EBF2: variants seen among roughly 807,000 people sequenced by gnomAD.
EBF2 encodes the protein transcription factor COE2.
In EBF2, 21 loss-of-function variants were observed where a neutral mutation model predicts 72.8. That is an observed-to-expected ratio of 0.29 (90% CI 0.20 to 0.42). EBF2 has a LOEUF of 0.42. EBF2 is among the 10% of genes least tolerant of loss of function. The pLI, the probability that EBF2 is intolerant of heterozygous loss-of-function variation, is 1.00. For missense variants in EBF2, 637 were observed against 731.2 expected (o/e 0.87, Z 1.49); for synonymous variants, 299 against 274.2 (o/e 1.09, Z -0.89).
At chr8:25,967,680 T>G (rs1469649591) in intron 6 of EBF2, among the ~76,000 whole-genome samples, 1 of 152,134 alleles carries the variant, frequency 6.6e-6, no homozygotes, top group Admixed American at 6.5e-5. Flanking sequence ...GGGGCAAGGG[T>G]GAGGATGCAT....
At chr8:26,017,614 C>G (rs189707056) in intron 6 of EBF2, among the ~76,000 whole-genome samples, 9 of 152,202 alleles carry the variant, frequency 5.9e-5, no homozygotes, top group African/African-American at 2.2e-4. Context: ...TTGCTTTTAC[C>G]GGCCACAGCA....
At chr8:25,923,859 T>C (rs1283372437) in intron 6 of EBF2, among the ~76,000 whole-genome samples, 2 of 152,196 alleles carry the variant, frequency 1.3e-5, no homozygotes, top group Non-Finnish European at 2.9e-5. Context: ...CTTTGATCAT[T>C]TTTTTAATGA....
intron 14 of EBF2, among the ~76,000 whole-genome samples, chr8:25,853,170 A>G (rs1325019248): frequency 6.6e-6 from 1 of 152,238 alleles, no homozygotes; most frequent in South Asian, 2.1e-4. Flanking sequence ...GCAAAATTGT[A>G]AAAGTGCTAG....
At chr8:25,887,346 T>C (rs1443292062) in intron 9 of EBF2, among the ~76,000 whole-genome samples, 1 of 152,182 alleles carries the variant, frequency 6.6e-6, no homozygotes, top group Non-Finnish European at 1.5e-5. Context: ...AACTTAACAC[T>C]GTCACTTATC....
chr8:25,970,629 G>A (rs1466921855), intron 6 of EBF2, among the ~76,000 whole-genome samples: 3 of 152,028 alleles, frequency 2.0e-5, no homozygotes, highest in African/African-American at 4.8e-5. Flanking sequence ...CTGCCTCTGC[G>A]GGCCAGAATG....
chr8:25,920,301 G>A (rs892656310), intron 6 of EBF2, among the ~76,000 whole-genome samples: 23 of 152,172 alleles, frequency 1.5e-4, no homozygotes, highest in Admixed American at 5.9e-4. Context: ...ACATGTGCAC[G>A]TCTGTTTTTA....
chr8:25,844,493 G>T lies in EBF2; in HGVS notation c.*116C>A, dbSNP rs1200504524. 9.2e-6 allele frequency: 11 copies of T among 1,189,792 alleles called. No individual in the cohort carries two copies. In the East Asian group the frequency reaches 1.9e-4, roughly 20 times the overall value. 73.7% of individuals were successfully genotyped at this position (1,189,792 alleles called of 1,614,324 possible). The stretch of plus-strand genomic sequence containing the variant: ...ATGCTGGCTCCTTGCAGACCCAAGG[G>T]TGTCCATCATGTTCATGTGGGGGCA... On this transcript the variant is annotated 3_prime_UTR_variant, in exon 16 of 16. Coordinates refer to ENST00000520164, the MANE Select transcript of EBF2 (RefSeq NM_022659.4).
chr8:25,885,343 T>C (rs570037720), intron 10 of EBF2, among the ~76,000 whole-genome samples: 1 of 152,322 alleles, frequency 6.6e-6, no homozygotes, highest in Non-Finnish European at 1.5e-5. Context: ...ACCATCCATA[T>C]CCAGAACTCT....
At chr8:25,872,536 C>T (rs1402812590) in intron 10 of EBF2, among the ~76,000 whole-genome samples, 1 of 152,170 alleles carries the variant, frequency 6.6e-6, no homozygotes, top group Non-Finnish European at 1.5e-5. Flanking sequence ...AGCTTCACTT[C>T]ATCAGATGTG....
rs1376877794 is a variant in EBF2, at chr8:25,990,550, A to G, written c.551+42535T>C. ...TATCCCAACAAAATCTACTAGCTCC[A>G]GCACAGAATCCAAGTCCTCTGTCCT... is the stretch of plus-strand genomic sequence containing the variant. On this transcript the variant is annotated intron_variant, in intron 6 of 15. Transcript: ENST00000520164. 2.0e-5 allele frequency among the ~76,000 whole-genome samples: 3 copies of G among 152,334 alleles called. No individual in the cohort carries two copies. In the East Asian group the frequency reaches 5.8e-4, roughly 29 times the overall value.
intron 6 of EBF2, among the ~76,000 whole-genome samples, chr8:25,951,183 T>C (rs1803853034): frequency 6.6e-6 from 1 of 152,210 alleles, no homozygotes; most frequent in East Asian, 1.9e-4. Flanking sequence ...GAACACATGC[T>C]GAAATGACAC....
At chr8:25,985,762 G>A (rs1336541701) in intron 6 of EBF2, among the ~76,000 whole-genome samples, 1 of 152,070 alleles carries the variant, frequency 6.6e-6, no homozygotes, top group Non-Finnish European at 1.5e-5. Context: ...CACTTTGGGA[G>A]GCTGAGGCAG....
chr8:25,876,266 G>A (rs544063626), intron 10 of EBF2, among the ~76,000 whole-genome samples: 7 of 152,212 alleles, frequency 4.6e-5, no homozygotes, highest in Admixed American at 3.3e-4. Context: ...TGGGTTGGGG[G>A]CAGGGAGAGG....
intron 6 of EBF2, among the ~76,000 whole-genome samples, chr8:25,990,469 C>T (rs1428032131): frequency 2.6e-5 from 4 of 152,134 alleles, no homozygotes; most frequent in Admixed American, 1.3e-4. Flanking sequence ...AGCTTGGGGC[C>T]AAGCACTCAT....
At chr8:25,868,861 G>A (rs138143467) in intron 10 of EBF2, among the ~76,000 whole-genome samples, 8 of 152,104 alleles carry the variant, frequency 5.3e-5, no homozygotes, top group South Asian at 4.2e-4. Context: ...GTGTTGAGTC[G>A]CTCCATATAT....
intron 6 of EBF2, among the ~76,000 whole-genome samples, chr8:25,966,977 T>G (rs1353244029): frequency 1.3e-5 from 2 of 152,116 alleles, no homozygotes; most frequent in Non-Finnish European, 2.9e-5. Context: ...CTAGAGCCAA[T>G]GTCAACAATG....
At chr8:25,999,285 C>T (rs1040487158) in intron 6 of EBF2, among the ~76,000 whole-genome samples, 1 of 152,166 alleles carries the variant, frequency 6.6e-6, no homozygotes, top group Non-Finnish European at 1.5e-5. Flanking sequence ...TCAAGACACA[C>T]ATTCATGATG....
chr8:25,866,116 G>A (rs1299110541), intron 10 of EBF2, among the ~76,000 whole-genome samples: 2 of 151,294 alleles, frequency 1.3e-5, no homozygotes, highest in Non-Finnish European at 2.9e-5. Context: ...ACTTAGGCCT[G>A]TACATTCATA....
intron 6 of EBF2, among the ~76,000 whole-genome samples, chr8:25,945,257 T>A (rs1317982473): frequency 6.6e-6 from 1 of 152,164 alleles, no homozygotes; most frequent in Non-Finnish European, 1.5e-5. Context: ...ACCTGTATTT[T>A]ATTTCACATG....
Sources: allele counts gnomAD v4.1 joint callset (sites outside exome capture counted in the v4.1 genomes callset), GRCh38; gene constraint gnomAD v4.1.1; transcripts MANE v1.5; gene names NCBI Gene and HGNC (gene_info 2026-07-23, HGNC 2026-07-21).